Variants in NPIPB2 observed in about 807,000 individuals in gnomAD.
NPIPB2 encodes the protein nuclear pore complex-interacting protein family member B2.
In NPIPB2, 27 loss-of-function variants were observed where a neutral mutation model predicts 30.8. The ratio of observed to expected loss-of-function variants is 0.88; its 90% CI spans 0.65 to 1.21. NPIPB2 has a LOEUF of 1.21. Ranked by LOEUF, NPIPB2 falls within the 50% of genes most tolerant of loss-of-function variation. The probability of loss-of-function intolerance (pLI) is 0.00; values close to 1 mark genes in which losing one functional copy is unlikely to be tolerated. For missense variants in NPIPB2, 440 were observed against 446.2 expected (o/e 0.99, Z 0.13); for synonymous variants, 147 against 162.0 (o/e 0.91, Z 0.70).
intron 1 of NPIPB2, among the ~76,000 whole-genome samples, chr16:11,957,960 T>C (rs541349962): frequency 6.6e-6 from 1 of 152,344 alleles, no homozygotes; most frequent in East Asian, 1.9e-4. Context: ...TACTTAGATA[T>C]TCCCCAATTA....
chr16:11,969,011 C>T (rs781486819), intron 1 of NPIPB2, among the ~76,000 whole-genome samples: 16 of 151,096 alleles, frequency 1.1e-4, no homozygotes, highest in Admixed American at 3.3e-4. Flanking sequence ...GGATTACAGG[C>T]ACGTGGCACC....
At chr16:11,948,639 C>T (rs1202660557) in intron 1 of NPIPB2, among the ~76,000 whole-genome samples, 1 of 150,418 alleles carries the variant, frequency 6.6e-6, no homozygotes, top group Non-Finnish European at 1.5e-5. Flanking sequence ...TAGTGGCGGG[C>T]GCCTGTAGTC....
intron 1 of NPIPB2, among the ~76,000 whole-genome samples, chr16:11,970,532 CA>C (rs1231318670): frequency 3.0e-5 from 4 of 131,572 alleles, no homozygotes; most frequent in Non-Finnish European, 7.4e-5. Flanking sequence ...TTAAAATCAG[CA>C]TTTTTTTTTT....
At chr16:11,968,129 G>A (rs1045898494) in intron 1 of NPIPB2, 15 of 335,244 alleles carry the variant, frequency 4.5e-5, no homozygotes, top group South Asian at 2.2e-4. Flanking sequence ...TGTGGGGGGT[G>A]AGGGTGGGAG....
chr16:11,960,286 G>C (rs2055143894), intron 1 of NPIPB2, among the ~76,000 whole-genome samples: 1 of 151,644 alleles, frequency 6.6e-6, no homozygotes, highest in African/African-American at 2.4e-5. Context: ...AGACACAATA[G>C]TGTTTTCTTT....
chr16:11,944,453 C>A (rs1423951904), upstream of NPIPB2, among the ~76,000 whole-genome samples: 1 of 151,750 alleles, frequency 6.6e-6, no homozygotes, highest in Non-Finnish European at 1.5e-5. Flanking sequence ...AGTCATGAGC[C>A]ACCACACCTG....
At chr16:11,954,442 C>T (rs1353002078) in intron 1 of NPIPB2, among the ~76,000 whole-genome samples, 1 of 148,478 alleles carries the variant, frequency 6.7e-6, no homozygotes, top group Non-Finnish European at 1.5e-5. Flanking sequence ...TGCACCACTG[C>T]ACTCCAGCCT....
rs1358574827 is a variant in NPIPB2, at chr16:11,933,657, A to G, written c.348T>C (p.Asn116=). The G allele has an allele frequency of 3.1e-6, 5 of 1,596,548 alleles. No homozygotes were observed. In the African/African-American group the frequency reaches 6.7e-5, roughly 21 times the overall value. Residue 116 remains asparagine, a synonymous_variant, in exon 4 of 8, where the codon AAT becomes AAC. Transcript: ENST00000399147. ...TAATGACGTCTTTCAGGCCAATTTT[A>G]TTTCCTGGAAAGGAAGAAACTCTTT...
upstream of NPIPB2, chr16:11,942,157 G>A (rs2054951137): frequency 3.3e-6 from 5 of 1,516,724 alleles, no homozygotes; most frequent in Non-Finnish European, 3.5e-6. Flanking sequence ...TTTTAAGCAT[G>A]CATGGTACAT....
intron 1 of NPIPB2, among the ~76,000 whole-genome samples, chr16:11,972,926 C>T (rs946697428): frequency 8.6e-5 from 13 of 151,372 alleles, no homozygotes; most frequent in African/African-American, 2.9e-4. Flanking sequence ...TTTGGGAGGC[C>T]GAGGCGGGCG....
intron 4 of NPIPB2, 108 bp downstream of exon 4, chr16:11,933,409 C>T (rs1263290565): frequency 6.6e-7 from 1 of 1,517,126 alleles, no homozygotes; most frequent in African/African-American, 1.4e-5. Flanking sequence ...TTTGAACCCA[C>T]TGAATTTGCC....
In NPIPB2 at chr16:11,949,209, C is replaced by T. The variant is rs573362301; in HGVS notation, c.-583-7095G>A. On this transcript the variant is annotated intron_variant, in intron 1 of 5. Coordinates refer to the NPIPB2 transcript ENST00000538896. ...TTGGTAAGGGCTTAGTAAATGTCAG[C>T]CACAGTAGTAATGACAGCAATACTT... Among the ~76,000 whole-genome samples, 20 of 152,260 alleles carry T rather than the reference C, an allele frequency of 1.3e-4. 1 individual carries two copies. Among genetic ancestry groups the T allele is most frequent in the South Asian group, 8.3e-4 (4 of 4,822 alleles).
chr16:11,951,977 G>A (rs1407006755), intron 1 of NPIPB2, among the ~76,000 whole-genome samples: 1 of 152,078 alleles, frequency 6.6e-6, no homozygotes, highest in Non-Finnish European at 1.5e-5. Context: ...GATTAACACG[G>A]TGAAACCCCG....
intron 1 of NPIPB2, chr16:11,966,398 T>G (rs2055194427): frequency 6.5e-7 from 1 of 1,545,896 alleles, no homozygotes; most frequent in Non-Finnish European, 8.8e-7. Flanking sequence ...ATTGTGAGTT[T>G]CAGTTCCTTT....
intron 1 of NPIPB2, among the ~76,000 whole-genome samples, chr16:11,965,775 A>T (rs2055188484): frequency 2.0e-5 from 3 of 152,180 alleles, no homozygotes; most frequent in Admixed American, 2.0e-4. Context: ...TTATTTTGCT[A>T]TCAAAACAAT....
At chr16:11,973,722 G>T (rs555596295) in intron 1 of NPIPB2, among the ~76,000 whole-genome samples, 8 of 152,006 alleles carry the variant, frequency 5.3e-5, no homozygotes, top group Non-Finnish European at 1.2e-4. Context: ...AGCTGGTCTG[G>T]AACTCCTGAC....
intron 1 of NPIPB2, chr16:11,965,433 T>C: frequency 6.2e-7 from 1 of 1,614,174 alleles, no homozygotes; most frequent in Non-Finnish European, 8.5e-7. Flanking sequence ...TCCTCTAACA[T>C]GTCAGCGTTA....
chr16:11,927,434 G>A (rs1273884677), exon 8 of NPIPB2: 1 of 1,209,626 alleles, frequency 8.3e-7, no homozygotes, highest in South Asian at 1.3e-5. Context: ...GGGCTCGGGT[G>A]ATGATGGTTC....
chr16:11,964,930 A>G (rs1158564763), intron 1 of NPIPB2, among the ~76,000 whole-genome samples: 1 of 152,212 alleles, frequency 6.6e-6, no homozygotes, highest in Non-Finnish European at 1.5e-5. Flanking sequence ...CACCTCTCAC[A>G]GAGTACAGCT....
Sources: gnomAD v4.1 joint callset for allele counts (sites outside exome capture counted in the v4.1 genomes callset) on GRCh38, gnomAD v4.1.1 for gene constraint, MANE v1.5 for transcripts, NCBI Gene and HGNC (gene_info 2026-07-23, HGNC 2026-07-21) for gene names.